ASNS: variants seen among roughly 807,000 people sequenced by gnomAD.
ASNS encodes asparagine synthetase (glutamine-hydrolyzing), also known as asparagine synthetase [glutamine-hydrolyzing].
In ASNS, 37 loss-of-function variants were observed where a neutral mutation model predicts 62.6. That is an observed-to-expected ratio of 0.59 (90% CI 0.45 to 0.78). The LOEUF (loss-of-function observed/expected upper bound fraction) is 0.78, where lower values mean the gene tolerates loss of function less well. Among genes scored for constraint, ASNS ranks in the 30% least tolerant of loss-of-function variants. The probability of loss-of-function intolerance (pLI) is 0.00; values close to 1 mark genes in which losing one functional copy is unlikely to be tolerated. For synonymous variants in ASNS, 207 were observed against 237.9 expected (o/e 0.87, Z 1.19); for missense variants, 520 against 682.4 (o/e 0.76, Z 2.65).
At position 97,853,222 on chromosome 7, in the gene ASNS, T is replaced by C; in HGVS notation, c.1321-7A>G. 6.2e-7 allele frequency: 1 copy of C among 1,605,226 alleles called. No homozygotes were observed. The highest frequency in any genetic ancestry group is 8.5e-7 in the Non-Finnish European group (1 of 1,175,480). On this transcript the variant is annotated splice_region_variant and splice_polypyrimidine_tract_variant and intron_variant, in intron 11 of 12. Transcript: ENST00000394308. The stretch of plus-strand genomic sequence containing the variant: ...GATGTTTTTCTATCCCATTCTGACG[T>C]GACAAAAAAAGGAGCATCAGGTAAA...
intron 10 of ASNS, 106 bp from the exon 11 acceptor site, chr7:97,853,492 T>C (rs776718464): frequency 2.1e-6 from 2 of 948,786 alleles, no homozygotes; most frequent in Non-Finnish European, 3.2e-6. Context: ...TTAAGAAATG[T>C]TAAGGTCATA....
chr7:97,922,065 T>C, the ASNS span, among the ~76,000 whole-genome samples: 124,547 of 152,066 alleles, frequency 0.82, 51,251 homozygotes, highest in East Asian at 0.9. Context: ...ATATGTGAAA[T>C]CTAAAAAAGT....
the ASNS span, among the ~76,000 whole-genome samples, chr7:97,915,604 C>T: frequency 6.6e-6 from 1 of 152,026 alleles, no homozygotes; most frequent in African/African-American, 2.4e-5. Context: ...AAGCAGATAA[C>T]AGGGGGTTGC....
the ASNS span, among the ~76,000 whole-genome samples, chr7:97,921,248 G>T: frequency 6.6e-6 from 1 of 152,140 alleles, no homozygotes; most frequent in Non-Finnish European, 1.5e-5. Flanking sequence ...CGTCAGGGTG[G>T]TACAAAGTAC....
the ASNS span, among the ~76,000 whole-genome samples, chr7:97,894,580 A>C: frequency 2.0e-5 from 3 of 151,458 alleles, no homozygotes; most frequent in Non-Finnish European, 4.4e-5. Flanking sequence ...GGATCATTAG[A>C]GGCTATTATG....
At chr7:97,885,998 C>T in the ASNS span, 57 of 610,428 alleles carry the variant, frequency 9.3e-5, no homozygotes, top group Middle Eastern at 2.8e-4. Flanking sequence ...CCCATGATGC[C>T]TGGGTGCCCA....
At chr7:97,928,060 C>G in the ASNS span, 38 of 1,417,336 alleles carry the variant, frequency 2.7e-5, no homozygotes, top group Non-Finnish European at 3.4e-5. Context: ...CACCCCCGGA[C>G]CCCCGCGCCC....
chr7:97,859,471 C>T, intron 4 of ASNS, 73 bp from the exon 5 acceptor site: 1 of 1,438,556 alleles, frequency 7.0e-7, no homozygotes, highest in Non-Finnish European at 9.3e-7. Context: ...TAGTTAACAT[C>T]ATCTACATTC....
At chr7:97,879,899 A>G in the ASNS span, among the ~76,000 whole-genome samples, 9 of 152,304 alleles carry the variant, frequency 5.9e-5, no homozygotes, top group African/African-American at 1.7e-4. Context: ...ACCTGGATTT[A>G]AGCTCTGATT....
In ASNS at chr7:97,852,241, T is replaced by C. The variant is rs749741028; in HGVS notation, c.*18A>G. On this transcript the variant is annotated 3_prime_UTR_variant, in exon 13 of 13. Transcript: ENST00000394308. The stretch of plus-strand genomic sequence containing the variant: ...ACACGAAGAAATATTTGCTTTCACA[T>C]TACAGCATAAAGACCACCTAAGCTT... 6.2e-7 allele frequency: 1 copy of C among 1,613,456 alleles called. No homozygotes were observed. The highest frequency in any genetic ancestry group is 2.2e-5 in the East Asian group (1 of 44,878).
At chr7:97,864,526 T>TA in intron 3 of ASNS, 30 bp from the exon 4 acceptor site, 1 of 1,478,656 alleles carries the variant, frequency 6.8e-7, no homozygotes, top group Non-Finnish European at 9.5e-7. Context: ...ACCAAAATGT[T>TA]AGACTCCTTG....
the ASNS span, chr7:97,906,542 T>C: frequency 6.0e-6 from 1 of 167,356 alleles, no homozygotes; most frequent in East Asian, 1.8e-4. Context: ...GGATTCTCCA[T>C]GCTACACACA....
At chr7:97,906,366 A>T in the ASNS span, 1 of 329,502 alleles carries the variant, frequency 3.0e-6, no homozygotes, top group Admixed American at 4.5e-5. Flanking sequence ...CTCAGCCTAG[A>T]AGTAAAGATC....
intron 9 of ASNS, chr7:97,854,935 G>T: frequency 3.8e-6 from 2 of 521,082 alleles, no homozygotes; most frequent in South Asian, 2.9e-5. Flanking sequence ...GGCAGAAAGG[G>T]GATTCTCAAG....
chr7:97,868,401 G>A (rs916526066), intron 3 of ASNS, among the ~76,000 whole-genome samples: 4 of 152,110 alleles, frequency 2.6e-5, no homozygotes, highest in Admixed American at 2.0e-4. Context: ...GGACTCTTAG[G>A]TTTAATAATG....
the ASNS span, among the ~76,000 whole-genome samples, chr7:97,883,965 G>A: frequency 6.8e-6 from 1 of 146,606 alleles, no homozygotes; most frequent in Non-Finnish European, 1.5e-5. Flanking sequence ...TCCGGCCTGG[G>A]CGACAGAGTG....
At chr7:97,858,511 T>G in intron 6 of ASNS, 106 bp from the exon 7 acceptor site, 1 of 1,408,738 alleles carries the variant, frequency 7.1e-7, no homozygotes, top group Non-Finnish European at 9.6e-7. Flanking sequence ...GTTTTACTAT[T>G]TAAAATCCGC....
At chr7:97,868,800 T>A in intron 3 of ASNS, 108 bp downstream of exon 3, 1 of 1,481,400 alleles carries the variant, frequency 6.8e-7, no homozygotes. Context: ...ATAACGAACA[T>A]AGAGTGCTTT....
the ASNS span, among the ~76,000 whole-genome samples, chr7:97,880,944 G>GTTTTA: frequency 5.3e-5 from 8 of 151,690 alleles, no homozygotes; most frequent in East Asian, 1.6e-3. Context: ...TTTTTGTTTT[G>GTTTTA]TTTTGTTTTG....
Sources: gnomAD v4.1 joint callset for allele counts (sites outside exome capture counted in the v4.1 genomes callset) on GRCh38, gnomAD v4.1.1 for gene constraint, MANE v1.5 for transcripts, NCBI Gene and HGNC (gene_info 2026-07-23, HGNC 2026-07-21) for gene names.